Variants in KIF6 observed in about 807,000 individuals in gnomAD.
KIF6 encodes kinesin family member 6, also known as kinesin-like protein KIF6.
A neutral mutation model predicts 112.7 loss-of-function variants in KIF6; 106 were observed. That is an observed-to-expected ratio of 0.94 (90% confidence interval 0.80 to 1.11). The LOEUF is 1.11. Among genes scored for constraint, KIF6 ranks in the 50% least tolerant of loss-of-function variants. The pLI is 0.00. For missense variants in KIF6, 929 were observed against 964.0 expected (o/e 0.96, Z 0.48); for synonymous variants, 339 against 339.9 (o/e 1.00, Z 0.03).
intron 3 of KIF6, among the ~76,000 whole-genome samples, chr6:39,692,291 T>C (rs1275714679): frequency 6.6e-6 from 1 of 152,210 alleles, no homozygotes; most frequent in Non-Finnish European, 1.5e-5. Context: ...CCTGCCCTGA[T>C]TCTTCTCATT....
chr6:39,488,164 C>T (rs1041373137), intron 13 of KIF6, among the ~76,000 whole-genome samples: 1 of 152,132 alleles, frequency 6.6e-6, no homozygotes, highest in African/African-American at 2.4e-5. Context: ...ACCAATGAGT[C>T]GACACTTAGT....
intron 18 of KIF6, among the ~76,000 whole-genome samples, chr6:39,359,911 T>G (rs1456333401): frequency 1.3e-5 from 2 of 152,160 alleles, no homozygotes; most frequent in African/African-American, 4.8e-5. Context: ...TACAAAAACA[T>G]ATGGATATAT....
intron 16 of KIF6, among the ~76,000 whole-genome samples, chr6:39,365,869 G>A (rs576985496): frequency 2.0e-5 from 3 of 152,198 alleles, no homozygotes; most frequent in South Asian, 4.1e-4. Flanking sequence ...CATCTCACCC[G>A]GCCAGAAGAG....
intron 15 of KIF6, among the ~76,000 whole-genome samples, chr6:39,411,583 A>G (rs1193226909): frequency 1.3e-5 from 2 of 152,196 alleles, no homozygotes; most frequent in Non-Finnish European, 2.9e-5. Context: ...GTCTGGTGAA[A>G]GAGGTATTGT....
Position 39,345,754 on chromosome 6 carries a change from C to T in KIF6, c.2267G>A (p.Cys756Tyr), listed in dbSNP as rs750933157. The T allele has an allele frequency of 2.5e-6, 4 of 1,613,924 alleles. No homozygotes were observed. The highest frequency in any genetic ancestry group is 3.4e-6 in the Non-Finnish European group (4 of 1,179,944). The change falls in exon 21 of 23, where the codon TGC becomes TAC. Residue 756 changes from cysteine to tyrosine, a missense_variant. Physicochemically the swap from Cys to Tyr is radical, Grantham distance 194. Coordinates refer to ENST00000287152, the MANE Select transcript of KIF6 (RefSeq NM_145027.6). ...VNARKILPSPCPSPHSQKQSS... is the reference protein window; with the variant it reads ...VNARKILPSPYPSPHSQKQSS... ...CTGTTTCTGGCTGTGTGGACTGGGG[C>T]AAGGCGAGGGCAGGATTTTCCTGGC...
At chr6:39,552,585 C>A (rs1464280587) in intron 10 of KIF6, among the ~76,000 whole-genome samples, 3 of 152,124 alleles carry the variant, frequency 2.0e-5, no homozygotes, top group African/African-American at 7.2e-5. Context: ...TCAGTTAATT[C>A]AGAAAAGTGC....
At chr6:39,385,937 C>A (rs1481678585) in intron 15 of KIF6, among the ~76,000 whole-genome samples, 1 of 152,172 alleles carries the variant, frequency 6.6e-6, no homozygotes, top group Admixed American at 6.5e-5. Context: ...AGTATCTTAG[C>A]CTGTCACCCA....
chr6:39,666,615 C>G (rs1786475032), intron 3 of KIF6, among the ~76,000 whole-genome samples: 1 of 152,182 alleles, frequency 6.6e-6, no homozygotes, highest in Admixed American at 6.5e-5. Context: ...CTGGAGAAAG[C>G]TCAATATTAG....
chr6:39,568,675 T>C (rs1027362034), intron 10 of KIF6, among the ~76,000 whole-genome samples: 7 of 151,878 alleles, frequency 4.6e-5, no homozygotes, highest in African/African-American at 1.7e-4. Context: ...CTCAGCCTCC[T>C]GAGTAGCTGG....
At chr6:39,530,695 T>C (rs1285865966) in intron 13 of KIF6, among the ~76,000 whole-genome samples, 1 of 152,046 alleles carries the variant, frequency 6.6e-6, no homozygotes, top group Non-Finnish European at 1.5e-5. Context: ...GAATGGGAAA[T>C]GAGAGAGGGT....
At chr6:39,712,244 A>T (rs1226318285) in intron 3 of KIF6, among the ~76,000 whole-genome samples, 1 of 152,178 alleles carries the variant, frequency 6.6e-6, no homozygotes, top group East Asian at 1.9e-4. Context: ...TTAAAAACAA[A>T]ATGTCACAAG....
chr6:39,551,647 T>TA (rs1165840352), intron 10 of KIF6, among the ~76,000 whole-genome samples: 1 of 152,008 alleles, frequency 6.6e-6, no homozygotes, highest in Non-Finnish European at 1.5e-5. Context: ...TATTAAAAAT[T>TA]AAAAAAACTT....
intron 19 of KIF6, chr6:39,353,898 G>A (rs1764443422): frequency 3.5e-6 from 2 of 566,320 alleles, no homozygotes; most frequent in African/African-American, 3.9e-5. Flanking sequence ...CTACTGCTAA[G>A]TGGAGCTAAG....
intron 13 of KIF6, among the ~76,000 whole-genome samples, chr6:39,444,829 TAAA>T (rs75229210): frequency 7.1e-6 from 1 of 140,150 alleles, no homozygotes. Context: ...CAGAGATGGT[TAAA>T]AAAAAAAAAA....
intron 9 of KIF6, chr6:39,583,591 T>C (rs1781418523): frequency 2.4e-6 from 1 of 410,426 alleles, no homozygotes; most frequent in African/African-American, 2.1e-5. Context: ...GAGGAAGTAA[T>C]TAATATGGGT....
Position 39,586,991 on chromosome 6 carries a change from G to A in KIF6, c.847-587C>T, listed in dbSNP as rs1249416207. Among the ~76,000 whole-genome samples the A allele has an allele frequency of 1.3e-5, 2 of 152,160 alleles. 1 individual carries two copies. The highest frequency in any genetic ancestry group is 6.3e-3 in the Middle Eastern group (2 of 316). On this transcript the variant is annotated intron_variant, in intron 7 of 22. Coordinates refer to ENST00000287152, the MANE Select transcript of KIF6 (RefSeq NM_145027.6). Reference sequence around the variant, plus strand: ...TAAAATGTGCAAATTATTTTGAATAGTACCTAGCCCATAACAAGTGCTGTA... The same window carrying A: ...TAAAATGTGCAAATTATTTTGAATAATACCTAGCCCATAACAAGTGCTGTA...
At chr6:39,658,164 C>T (rs1023021906) in intron 3 of KIF6, among the ~76,000 whole-genome samples, 8 of 152,192 alleles carry the variant, frequency 5.3e-5, no homozygotes, top group Admixed American at 1.3e-4. Context: ...AAGCATTGAG[C>T]TGGCATACTC....
chr6:39,551,698 G>A (rs2150579459), intron 10 of KIF6, among the ~76,000 whole-genome samples: 1 of 152,148 alleles, frequency 6.6e-6, no homozygotes, highest in African/African-American at 2.4e-5. Context: ...TTAACTTAAA[G>A]GAATATGATA....
chr6:39,667,703 A>G (rs1786560252), intron 3 of KIF6, among the ~76,000 whole-genome samples: 1 of 152,224 alleles, frequency 6.6e-6, no homozygotes, highest in Non-Finnish European at 1.5e-5. Flanking sequence ...GCATGATGCA[A>G]TTATCCTGTG....
Sources: gnomAD v4.1 joint callset for allele counts (sites outside exome capture counted in the v4.1 genomes callset) on GRCh38, gnomAD v4.1.1 for gene constraint, MANE v1.5 for transcripts, NCBI Gene and HGNC (gene_info 2026-07-23, HGNC 2026-07-21) for gene names.